PGM5: variants seen among roughly 807,000 people sequenced by gnomAD.
PGM5 encodes phosphoglucomutase 5, also known as phosphoglucomutase-like protein 5.
Under a neutral mutation model 59.2 loss-of-function variants are expected in PGM5, and 23 were observed. The ratio of observed to expected loss-of-function variants is 0.39; its 90% CI spans 0.28 to 0.55. The LOEUF (loss-of-function observed/expected upper bound fraction) is 0.55, where lower values mean the gene tolerates loss of function less well. PGM5 is among the 20% of genes least tolerant of loss of function. PGM5 has a pLI of 0.66. For missense variants in PGM5, 574 were observed against 748.3 expected, an observed-to-expected ratio of 0.77 and a Z score of 2.72; for synonymous variants, 214 against 286.0, an observed-to-expected ratio of 0.75 and a Z score of 2.54.
chr9:68,488,478 C>T (rs540240029), intron 9 of PGM5, among the ~76,000 whole-genome samples: 6 of 152,348 alleles, frequency 3.9e-5, no homozygotes, highest in Non-Finnish European at 7.3e-5. Flanking sequence ...GCTGTGGAAA[C>T]GTTCAGTGAA....
intron 6 of PGM5, among the ~76,000 whole-genome samples, chr9:68,455,317 G>A (rs552283781): frequency 4.6e-5 from 7 of 152,230 alleles, no homozygotes; most frequent in Admixed American, 1.3e-4. Context: ...GCCTGGAATC[G>A]GTAGAGTTTT....
intron 6 of PGM5, among the ~76,000 whole-genome samples, chr9:68,400,945 C>A (rs1415934305): frequency 1.3e-5 from 2 of 152,190 alleles, no homozygotes; most frequent in African/African-American, 4.8e-5. Context: ...ATTACCAAGG[C>A]ATTTACAAGA....
At chr9:68,415,788 T>G (rs1293033330) in intron 6 of PGM5, among the ~76,000 whole-genome samples, 11 of 51,080 alleles carry the variant, frequency 2.2e-4, no homozygotes, top group African/African-American at 7.8e-4. Context: ...AATATCTATC[T>G]ATCTATCTAT....
intron 7 of PGM5, among the ~76,000 whole-genome samples, chr9:68,470,608 G>T (rs1373721437): frequency 2.0e-5 from 3 of 152,146 alleles, no homozygotes; most frequent in Non-Finnish European, 4.4e-5. Flanking sequence ...TCCCTATCTG[G>T]ATGGTTATTC....
chr9:68,407,964 T>C (rs1298124889), intron 6 of PGM5, among the ~76,000 whole-genome samples: 2 of 152,244 alleles, frequency 1.3e-5, no homozygotes, highest in Non-Finnish European at 2.9e-5. Context: ...CAATTTATCA[T>C]TATTATGGCT....
intron 6 of PGM5, among the ~76,000 whole-genome samples, chr9:68,412,776 C>T (rs1449095198): frequency 6.6e-6 from 1 of 152,180 alleles, no homozygotes; most frequent in Non-Finnish European, 1.5e-5. Flanking sequence ...TGCTATGTTC[C>T]ATTTATATAC....
At chr9:68,407,223 G>T (rs1822839438) in intron 6 of PGM5, among the ~76,000 whole-genome samples, 1 of 152,072 alleles carries the variant, frequency 6.6e-6, no homozygotes, top group Admixed American at 6.6e-5. Context: ...GAACTTCCAG[G>T]CTCAAGTGAT....
intron 6 of PGM5, among the ~76,000 whole-genome samples, chr9:68,453,810 G>A (rs998207350): frequency 9.2e-5 from 14 of 152,144 alleles, no homozygotes; most frequent in African/African-American, 3.1e-4. Context: ...AGAGACTAAC[G>A]GATTAGAGAA....
At chr9:68,491,950 C>T (rs576232794) in intron 9 of PGM5, among the ~76,000 whole-genome samples, 1 of 152,318 alleles carries the variant, frequency 6.6e-6, no homozygotes, top group African/African-American at 2.4e-5. Context: ...TAAAGAATTA[C>T]CTTCTCCTGG....
chr9:68,452,803 C>G (rs1823718272), intron 6 of PGM5, among the ~76,000 whole-genome samples: 1 of 152,210 alleles, frequency 6.6e-6, no homozygotes, highest in Non-Finnish European at 1.5e-5. Flanking sequence ...GAGCTTAGTG[C>G]AAACTAGGAC....
At chr9:68,388,416 C>T (rs541100412) in intron 4 of PGM5, among the ~76,000 whole-genome samples, 5 of 149,580 alleles carry the variant, frequency 3.3e-5, no homozygotes, top group African/African-American at 1.2e-4. Context: ...AGACTTTGAT[C>T]TGCCCCACTC....
intron 10 of PGM5, among the ~76,000 whole-genome samples, chr9:68,526,966 C>G (rs1045904730): frequency 6.6e-6 from 1 of 152,164 alleles, no homozygotes; most frequent in Non-Finnish European, 1.5e-5. Flanking sequence ...CTGATAAACA[C>G]AGAACTCAAC....
At chr9:68,368,636 A>AG (rs1373237132) in intron 1 of PGM5, among the ~76,000 whole-genome samples, 5 of 151,968 alleles carry the variant, frequency 3.3e-5, no homozygotes, top group East Asian at 1.9e-4. Flanking sequence ...TTTAGTTTTT[A>AG]GGTTTTTTTT....
Position 68,357,349 on chromosome 9 carries a change from G to C in PGM5, c.222G>C (p.Thr74=), listed in dbSNP as rs1487028424. The C allele has an allele frequency of 3.2e-6, 5 of 1,561,356 alleles. No homozygotes were observed. The highest frequency in any genetic ancestry group is 4.3e-6 in the Non-Finnish European group (5 of 1,156,228). Residue 74 remains threonine (T), a synonymous_variant, in exon 1 of 11, where the codon ACG becomes ACC. Coordinates refer to ENST00000396396, the MANE Select transcript of PGM5 (RefSeq NM_021965.4). The part of the protein sequence containing the change: ...VGSDGRYFSR[T]AIEIVVQMAA... ...GCGACGGCAGGTACTTTAGCAGGAC[G>C]GCCATCGAGATCGTGGTGCAGATGG...
At chr9:68,490,739 G>C (rs1261062645) in intron 9 of PGM5, among the ~76,000 whole-genome samples, 3 of 152,134 alleles carry the variant, frequency 2.0e-5, no homozygotes, top group Admixed American at 2.0e-4. Context: ...CCTTTTGCTG[G>C]AGTGCCATTT....
intron 8 of PGM5, among the ~76,000 whole-genome samples, chr9:68,480,698 CAA>C (rs559218499): frequency 8.5e-6 from 1 of 118,208 alleles, no homozygotes. Flanking sequence ...GACTCCATCT[CAA>C]AAAAAAAAAC....
At position 68,529,948 on chromosome 9, in the gene PGM5, G is replaced by T; in HGVS notation, c.*292G>T. 1 of 262,804 alleles carries T rather than the reference G, an allele frequency of 3.8e-6. No homozygotes were observed. Among genetic ancestry groups the T allele is most frequent in the Non-Finnish European group, 7.2e-6 (1 of 138,908 alleles). 16.3% of individuals were successfully genotyped at this position (262,804 alleles called of 1,614,324 possible). On this transcript the variant is annotated 3_prime_UTR_variant, in exon 11 of 11. Transcript: ENST00000396396. ...TCCCCTTTTGACAACAACTGGGCTA[G>T]GCAGCTGTTAATCACAACATTTGTG...
intron 6 of PGM5, among the ~76,000 whole-genome samples, chr9:68,463,169 A>G (rs1415867919): frequency 1.3e-5 from 2 of 151,542 alleles, no homozygotes; most frequent in African/African-American, 4.9e-5. Context: ...TCCCATGGCA[A>G]GAGTTTCTAG....
chr9:68,446,285 C>A lies in PGM5; in HGVS notation c.1044-18808C>A, dbSNP rs183452183. On this transcript the variant is annotated intron_variant, in intron 6 of 10. Coordinates refer to ENST00000396396, the MANE Select transcript of PGM5 (RefSeq NM_021965.4). ...TAATAATTCAAGGAGGACATTACCA[C>A]AATGTTTGAAATAACTATGCATATT... is the stretch of plus-strand genomic sequence containing the variant. Among the ~76,000 whole-genome samples, 5 of 152,342 alleles carry A rather than the reference C, an allele frequency of 3.3e-5. 1 individual carries two copies. The highest frequency in any genetic ancestry group is 2.6e-4 in the Admixed American group (4 of 15,304).
Sources: allele counts gnomAD v4.1 joint callset (sites outside exome capture counted in the v4.1 genomes callset), GRCh38; gene constraint gnomAD v4.1.1; transcripts MANE v1.5; gene names NCBI Gene and HGNC (gene_info 2026-07-23, HGNC 2026-07-21).